Variants in CDKAL1 observed in about 807,000 individuals in gnomAD.
The protein encoded by CDKAL1 is CDKAL1 threonylcarbamoyladenosine tRNA methylthiotransferase.
Under a neutral mutation model 68.2 loss-of-function variants are expected in CDKAL1, and 32 were observed. The observed-to-expected ratio is 0.47, with a 90% confidence interval of 0.35 to 0.63. The LOEUF is 0.63. Among genes scored for constraint, CDKAL1 ranks in the 30% least tolerant of loss-of-function variants. CDKAL1 has a pLI of 0.00. For synonymous variants in CDKAL1, 234 were observed against 244.3 expected (o/e 0.96, Z 0.39); for missense variants, 606 against 696.7 (o/e 0.87, Z 1.47).
chr6:20,925,147 A>G (rs1190685258), intron 9 of CDKAL1, among the ~76,000 whole-genome samples: 1 of 152,224 alleles, frequency 6.6e-6, no homozygotes, highest in Non-Finnish European at 1.5e-5. Flanking sequence ...GCAACCATCA[A>G]CATTGGAGTC....
intron 4 of CDKAL1, among the ~76,000 whole-genome samples, chr6:20,583,365 GTAAGAGTAATGTTCTGATTACTGC>G (rs1454561168): frequency 6.6e-6 from 1 of 152,128 alleles, no homozygotes; most frequent in Non-Finnish European, 1.5e-5. Flanking sequence ...TACTTTGAAT[GTAAGAGTAATGTTCTGATTACTGC>G]TAAGATTCTA....
intron 9 of CDKAL1, among the ~76,000 whole-genome samples, chr6:20,858,395 C>T (rs148844999): frequency 1.3e-5 from 2 of 152,084 alleles, no homozygotes; most frequent in Admixed American, 6.6e-5. Context: ...CAAAATATCA[C>T]ACTGTATATA....
Position 20,632,831 on chromosome 6 carries a change from C to T in CDKAL1, c.287-16462C>T, listed in dbSNP as rs117915506. Among the ~76,000 whole-genome samples, 62 of 152,284 alleles carry T rather than the reference C, an allele frequency of 4.1e-4. No homozygotes were observed. In the East Asian group the frequency reaches 8.1e-3, roughly 20 times the overall value. ...TTTGAATCGTTGCCAGGATGTACCACGGGCCCATCTGTGGGCACATAGAAA... is the reference window on the plus strand; with the variant it reads ...TTTGAATCGTTGCCAGGATGTACCATGGGCCCATCTGTGGGCACATAGAAA... On this transcript the variant is annotated intron_variant, in intron 4 of 15. Transcript: ENST00000274695.
intron 13 of CDKAL1, among the ~76,000 whole-genome samples, chr6:21,143,388 T>C (rs1776019068): frequency 6.6e-6 from 1 of 152,148 alleles, no homozygotes; most frequent in Non-Finnish European, 1.5e-5. Context: ...GAGTGTAAGG[T>C]AGGACCCTAT....
chr6:20,752,419 G>A (rs1403345084), intron 6 of CDKAL1, among the ~76,000 whole-genome samples: 1 of 151,988 alleles, frequency 6.6e-6, no homozygotes, highest in Non-Finnish European at 1.5e-5. Context: ...ATACATTCAA[G>A]CAAATTCTGT....
chr6:20,988,182 ATGTGTGTGTGTG>A (rs58720900), intron 10 of CDKAL1, among the ~76,000 whole-genome samples: 11 of 137,388 alleles, frequency 8.0e-5, no homozygotes, highest in African/African-American at 1.3e-4. Flanking sequence ...GAAACATAAT[ATGTGTGTGTGTG>A]TGTGTGTGTG....
intron 9 of CDKAL1, among the ~76,000 whole-genome samples, chr6:20,885,517 AC>A (rs1446800233): frequency 7.9e-5 from 12 of 152,188 alleles, no homozygotes; most frequent in African/African-American, 2.7e-4. Flanking sequence ...AAATTGAAAA[AC>A]AACTTAAATA....
intron 8 of CDKAL1, among the ~76,000 whole-genome samples, chr6:20,834,862 C>T (rs28616599): frequency 1.3e-5 from 2 of 152,248 alleles, no homozygotes; most frequent in Admixed American, 1.3e-4. Context: ...AAAGGCAAGT[C>T]CATTCTCTCT....
At chr6:20,796,499 A>G (rs931180564) in intron 8 of CDKAL1, among the ~76,000 whole-genome samples, 12 of 152,188 alleles carry the variant, frequency 7.9e-5, no homozygotes, top group African/African-American at 2.9e-4. Context: ...TAAATTTTAT[A>G]TGGAAAGGCA....
Position 20,720,476 on chromosome 6 carries a change from T to G in CDKAL1, c.372-19043T>G, listed in dbSNP as rs567702881. 2.6e-5 allele frequency among the ~76,000 whole-genome samples: 4 copies of G among 152,270 alleles called. No homozygotes were observed. The South Asian group carries it at 8.3e-4, about 32-fold the overall frequency. ...CCCTTTAAGCCACCTTTCTTCATCA[T>G]TCCTTCTCCCCAGTCACCCTTCCCA... On this transcript the variant is annotated intron_variant, in intron 5 of 15. Transcript: ENST00000274695.
intron 12 of CDKAL1, among the ~76,000 whole-genome samples, chr6:21,098,572 G>T (rs1484127662): frequency 1.6e-5 from 2 of 122,954 alleles, no homozygotes; most frequent in African/African-American, 6.2e-5. Context: ...CGTCACCCAT[G>T]TGCAAGGCAT....
intron 9 of CDKAL1, among the ~76,000 whole-genome samples, chr6:20,872,134 C>T (rs2150544626): frequency 6.6e-6 from 1 of 152,150 alleles, no homozygotes; most frequent in Admixed American, 6.5e-5. Context: ...TGTTTAAAAA[C>T]ATAACCAACA....
At chr6:20,890,436 T>C (rs1761333825) in intron 9 of CDKAL1, among the ~76,000 whole-genome samples, 4 of 152,240 alleles carry the variant, frequency 2.6e-5, no homozygotes, top group African/African-American at 2.4e-5. Flanking sequence ...TGCTCAGCAA[T>C]AGATGTGGAA....
intron 5 of CDKAL1, among the ~76,000 whole-genome samples, chr6:20,737,987 A>G (rs1315982213): frequency 1.3e-5 from 2 of 152,308 alleles, no homozygotes; most frequent in African/African-American, 2.4e-5. Flanking sequence ...TGTACTCTTG[A>G]AAAAGTTGAC....
chr6:20,612,990 TACACACACACACACACACACAC>T lies in CDKAL1; in HGVS notation c.287-36269_287-36248del, dbSNP rs55999857. The stretch of plus-strand genomic sequence containing the variant: ...TGAAGAAACTCATTGTTGCAATTTC[TACACACACACACACACACACAC>T]ACACACACACACACACACACACACA... On this transcript the variant is annotated intron_variant, in intron 4 of 15. Coordinates refer to ENST00000274695, the MANE Select transcript of CDKAL1 (RefSeq NM_017774.3). Among the ~76,000 whole-genome samples the T allele has an allele frequency of 1.9e-3, 251 of 130,054 alleles. 2 individuals carry two copies. The highest frequency in any genetic ancestry group is 4.9e-3 in the African/African-American group (173 of 35,096). 85.3% of individuals were successfully genotyped at this position (130,054 alleles called of 152,430 possible). A position where few individuals can be genotyped will look rare whatever the true frequency, so the allele number is the denominator to read the frequency against.
intron 4 of CDKAL1, among the ~76,000 whole-genome samples, chr6:20,568,359 T>C (rs1287967473): frequency 1.3e-5 from 2 of 152,136 alleles, no homozygotes; most frequent in African/African-American, 4.8e-5. Flanking sequence ...AATAACGCAT[T>C]TGACTGTTCC....
chr6:20,767,820 A>G (rs1774766910), intron 7 of CDKAL1, among the ~76,000 whole-genome samples: 1 of 152,174 alleles, frequency 6.6e-6, no homozygotes, highest in Non-Finnish European at 1.5e-5. Flanking sequence ...TATGAAGTAT[A>G]CAGCAGAGAT....
intron 2 of CDKAL1, among the ~76,000 whole-genome samples, chr6:20,544,657 A>C (rs1763525302): frequency 6.6e-6 from 1 of 151,726 alleles, no homozygotes; most frequent in South Asian, 2.1e-4. Flanking sequence ...TACTCTTCTC[A>C]AAATTGTTTT....
chr6:20,589,496 A>G (rs6908042), intron 4 of CDKAL1, among the ~76,000 whole-genome samples: 40,361 of 152,112 alleles, frequency 0.27, 5,640 homozygotes, highest in Middle Eastern at 0.37. Flanking sequence ...CTTTAACTCT[A>G]TAGTTGATAA....
Sources: allele counts gnomAD v4.1 joint callset (sites outside exome capture counted in the v4.1 genomes callset), GRCh38; gene constraint gnomAD v4.1.1; transcripts MANE v1.5; gene names NCBI Gene and HGNC (gene_info 2026-07-23, HGNC 2026-07-21).